The following CALN1 variants were observed in gnomAD, a reference collection of about 807,000 sequenced individuals.
CALN1 encodes calcium-binding protein 8.
Under a neutral mutation model 30.6 loss-of-function variants are expected in CALN1, and 17 were observed. That is an observed-to-expected ratio of 0.56 (90% CI 0.38 to 0.83). CALN1 has a LOEUF of 0.83. Ranked by LOEUF, CALN1 falls within the 40% of genes least tolerant of loss-of-function variation. The pLI is 0.00. For missense variants in CALN1, 291 were observed against 354.9 expected (o/e 0.82, Z 1.45); for synonymous variants, 156 against 131.4 (o/e 1.19, Z -1.28).
At chr7:72,175,201 G>C (rs1789262591) in intron 3 of CALN1, among the ~76,000 whole-genome samples, 1 of 151,870 alleles carries the variant, frequency 6.6e-6, no homozygotes, top group Non-Finnish European at 1.5e-5. Flanking sequence ...AGCCTCCCGA[G>C]TAGCTGAGAC....
intron 4 of CALN1, among the ~76,000 whole-genome samples, chr7:72,099,958 C>G (rs576020946): frequency 6.6e-6 from 1 of 152,120 alleles, no homozygotes; most frequent in East Asian, 1.9e-4. Context: ...AAACCGCATA[C>G]CAGATGCCTG....
chr7:72,245,277 T>C (rs1795084709), intron 3 of CALN1, among the ~76,000 whole-genome samples: 1 of 152,240 alleles, frequency 6.6e-6, no homozygotes, highest in African/African-American at 2.4e-5. Context: ...CGTGCTGACT[T>C]TTCCTGCAAC....
At chr7:72,374,897 G>C (rs936423957) in intron 2 of CALN1, among the ~76,000 whole-genome samples, 18 of 151,782 alleles carry the variant, frequency 1.2e-4, no homozygotes, top group African/African-American at 4.4e-4. Context: ...AATACTACTG[G>C]GATCATCTGT....
chr7:72,411,791 TAC>T (rs1335920640), intron 1 of CALN1, among the ~76,000 whole-genome samples: 1 of 150,012 alleles, frequency 6.7e-6, no homozygotes, highest in African/African-American at 2.5e-5. Flanking sequence ...ATAAAGTAAT[TAC>T]TCTTTTAAAG....
chr7:72,288,478 C>G (rs1798252524), intron 2 of CALN1, among the ~76,000 whole-genome samples: 1 of 152,076 alleles, frequency 6.6e-6, no homozygotes, highest in Admixed American at 6.6e-5. Context: ...ACAGCCAACA[C>G]TTAGGGGGAA....
intron 2 of CALN1, among the ~76,000 whole-genome samples, chr7:72,364,713 T>C (rs375910270): frequency 4.5e-4 from 69 of 152,360 alleles, no homozygotes; most frequent in African/African-American, 1.3e-3. Flanking sequence ...TTAAGTGAGG[T>C]ATGGGTGTGT....
chr7:71,977,034 C>G (rs1191432593), intron 5 of CALN1, among the ~76,000 whole-genome samples: 1 of 152,202 alleles, frequency 6.6e-6, no homozygotes, highest in East Asian at 1.9e-4. Flanking sequence ...CAACCACAAA[C>G]AGACGAATTT....
the CALN1 span, among the ~76,000 whole-genome samples, chr7:72,459,040 T>G: frequency 6.0e-5 from 9 of 150,982 alleles, no homozygotes; most frequent in Middle Eastern, 6.8e-3. Flanking sequence ...GCCTCCTGAG[T>G]AGCTGCAATT....
chr7:72,103,953 T>C (rs1280953114), intron 4 of CALN1: 1 of 152,260 alleles, frequency 6.6e-6, no homozygotes, highest in Non-Finnish European at 1.5e-5. Flanking sequence ...GTGCAGGATA[T>C]GGGCTTGTGG....
chr7:72,177,749 A>G (rs1248699637), intron 3 of CALN1, among the ~76,000 whole-genome samples: 2 of 120,134 alleles, frequency 1.7e-5, no homozygotes, highest in African/African-American at 3.1e-5. Context: ...TGGGCGACAG[A>G]GGGAAAAAAA....
At chr7:72,186,513 C>T (rs1790199507) in intron 3 of CALN1, among the ~76,000 whole-genome samples, 1 of 152,080 alleles carries the variant, frequency 6.6e-6, no homozygotes, top group Non-Finnish European at 1.5e-5. Flanking sequence ...GTGAACTGAA[C>T]CCCTTACACA....
At position 71,785,222 on chromosome 7, in the gene CALN1, T is replaced by A. The variant is rs571335619; in HGVS notation, c.*2553A>T. 204 of 196,058 alleles carry A rather than the reference T, an allele frequency of 1.0e-3. 2 individuals are homozygous for A. Among genetic ancestry groups the A allele is most frequent in the Middle Eastern group, 5.7e-3 (3 of 528 alleles). 12.1% of individuals were successfully genotyped at this position (196,058 alleles called of 1,614,324 possible). A position where few individuals can be genotyped will look rare whatever the true frequency, so the allele number is the denominator to read the frequency against. ...CAGAGGAATGCATTCTCCTAGATTT[T>A]CCCCTGGGGAGGGTGGGCTTGCTTC... On this transcript the variant is annotated 3_prime_UTR_variant, in exon 7 of 7. Transcript: ENST00000395275.
At chr7:72,242,529 T>C (rs535141781) in intron 3 of CALN1, among the ~76,000 whole-genome samples, 8 of 152,232 alleles carry the variant, frequency 5.3e-5, no homozygotes, top group African/African-American at 1.9e-4. Context: ...TCATAAACAA[T>C]TCAAAAAAAG....
At chr7:72,101,225 G>A (rs994559392) in intron 4 of CALN1, among the ~76,000 whole-genome samples, 6 of 152,058 alleles carry the variant, frequency 3.9e-5, no homozygotes, top group African/African-American at 9.7e-5. Flanking sequence ...CTCGGCCTCC[G>A]ATAACAGGTG....
the CALN1 span, among the ~76,000 whole-genome samples, chr7:72,492,862 T>C: frequency 1.8e-4 from 28 of 152,342 alleles, no homozygotes; most frequent in African/African-American, 6.7e-4. Flanking sequence ...GACAATGGTA[T>C]GTTCGATCCT....
intron 5 of CALN1, among the ~76,000 whole-genome samples, chr7:71,889,586 G>C (rs184006477): frequency 6.6e-6 from 1 of 152,102 alleles, no homozygotes; most frequent in Non-Finnish European, 1.5e-5. Context: ...GGAGGTTAGG[G>C]TCTCAACCTA....
intron 4 of CALN1, among the ~76,000 whole-genome samples, chr7:72,024,405 T>G (rs1354137018): frequency 2.0e-5 from 3 of 152,156 alleles, no homozygotes; most frequent in Non-Finnish European, 4.4e-5. Context: ...CAGCACTTTT[T>G]TTGTTGTTTT....
intron 3 of CALN1, among the ~76,000 whole-genome samples, chr7:72,139,869 A>C (rs968846911): frequency 2.6e-5 from 4 of 151,994 alleles, no homozygotes. Flanking sequence ...ACAAACACCT[A>C]TTTATTCTTT....
At chr7:72,306,050 G>C (rs1308404071) in intron 2 of CALN1, among the ~76,000 whole-genome samples, 1 of 152,160 alleles carries the variant, frequency 6.6e-6, no homozygotes, top group African/African-American at 2.4e-5. Context: ...GGTCTAGGGA[G>C]TCATGCCCTA....
Sources: gnomAD v4.1 joint callset for allele counts (sites outside exome capture counted in the v4.1 genomes callset) on GRCh38, gnomAD v4.1.1 for gene constraint, MANE v1.5 for transcripts, NCBI Gene and HGNC (gene_info 2026-07-23, HGNC 2026-07-21) for gene names.